DLG2: variants seen among roughly 807,000 people sequenced by gnomAD.
The protein encoded by DLG2 is discs large MAGUK scaffold protein 2, also known as disks large homolog 2.
A neutral mutation model predicts 132.5 loss-of-function variants in DLG2; 45 were observed. The observed-to-expected ratio is 0.34, with a 90% confidence interval of 0.27 to 0.44. DLG2 has a LOEUF of 0.44. DLG2 is among the 20% of genes least tolerant of loss of function. The probability of loss-of-function intolerance (pLI) is 1.00; values close to 1 mark genes in which losing one functional copy is unlikely to be tolerated. For missense variants in DLG2, 1,045 were observed against 1,196.9 expected, an observed-to-expected ratio of 0.87 and a Z score of 1.87; for synonymous variants, 424 against 419.6, an observed-to-expected ratio of 1.01 and a Z score of -0.13.
intron 6 of DLG2, among the ~76,000 whole-genome samples, chr11:84,853,733 C>T (rs1472259853): frequency 6.6e-6 from 1 of 151,956 alleles, no homozygotes; most frequent in East Asian, 1.9e-4. Flanking sequence ...TCCTTCTTCT[C>T]ACAGCAAACC....
At chr11:85,523,313 AGACTAATACT>A (rs2074464268) in intron 3 of DLG2, among the ~76,000 whole-genome samples, 1 of 152,198 alleles carries the variant, frequency 6.6e-6, no homozygotes, top group Non-Finnish European at 1.5e-5. Context: ...GTGTGGAAAC[AGACTAATACT>A]CTATCCATCT....
intron 6 of DLG2, among the ~76,000 whole-genome samples, chr11:84,592,285 A>G (rs2099545223): frequency 6.6e-6 from 1 of 152,226 alleles, no homozygotes; most frequent in African/African-American, 2.4e-5. Flanking sequence ...GATGTGGGCA[A>G]TAAGCCAGAA....
chr11:85,546,818 C>CCTTT (rs2076358677), intron 3 of DLG2, among the ~76,000 whole-genome samples: 2 of 68,972 alleles, frequency 2.9e-5, no homozygotes, highest in African/African-American at 1.2e-4. Context: ...ATAACCCCTG[C>CCTTT]TTTTTTTTTT....
chr11:83,947,128 G>T (rs1202546099), intron 14 of DLG2, among the ~76,000 whole-genome samples: 1 of 152,144 alleles, frequency 6.6e-6, no homozygotes, highest in East Asian at 1.9e-4. Flanking sequence ...CTCATATAAT[G>T]ATGGTCTACA....
intron 3 of DLG2, among the ~76,000 whole-genome samples, chr11:85,493,368 AAGCCTTACTCCTCATTTCACT>A (rs2093604650): frequency 6.6e-6 from 1 of 152,136 alleles, no homozygotes. Flanking sequence ...AGATCTTTTC[AAGCCTTACTCCTCATTTCACT>A]AAGTCTCTGC....
chr11:83,606,640 A>G (rs2153394388), intron 19 of DLG2, among the ~76,000 whole-genome samples: 1 of 152,060 alleles, frequency 6.6e-6, no homozygotes, highest in Non-Finnish European at 1.5e-5. Context: ...TGTTAAAAAA[A>G]AAAAAGGCCG....
chr11:83,693,532 G>A (rs1468226396), intron 18 of DLG2, among the ~76,000 whole-genome samples: 1 of 152,036 alleles, frequency 6.6e-6, no homozygotes. Flanking sequence ...CTTTGTGGAG[G>A]ACACCGTACC....
intron 21 of DLG2, among the ~76,000 whole-genome samples, chr11:83,515,231 C>T (rs1257294410): frequency 3.3e-5 from 5 of 152,164 alleles, no homozygotes; most frequent in Admixed American, 2.6e-4. Context: ...TTTAGAGATT[C>T]AACTTCTTCC....
intron 16 of DLG2, among the ~76,000 whole-genome samples, chr11:83,839,362 AC>A (rs1433864445): frequency 6.6e-6 from 1 of 152,206 alleles, no homozygotes; most frequent in Non-Finnish European, 1.5e-5. Flanking sequence ...TGTCCTAAGC[AC>A]ACTTCAAATG....
intron 19 of DLG2, among the ~76,000 whole-genome samples, chr11:83,549,978 A>G (rs1215016017): frequency 2.6e-5 from 4 of 152,146 alleles, no homozygotes; most frequent in Non-Finnish European, 5.9e-5. Flanking sequence ...TAGCTCCCAA[A>G]ATGTAGGCAT....
chr11:84,483,086 C>T (rs766583474), intron 7 of DLG2, among the ~76,000 whole-genome samples: 1 of 152,068 alleles, frequency 6.6e-6, no homozygotes, highest in Non-Finnish European at 1.5e-5. Context: ...AACAAATGGT[C>T]ATTATTCATT....
chr11:85,449,170 G>A (rs1274876661), intron 3 of DLG2, among the ~76,000 whole-genome samples: 1 of 150,888 alleles, frequency 6.6e-6, no homozygotes, highest in African/African-American at 2.4e-5. Context: ...TATTTTCCTT[G>A]GTTAGAATTT....
In DLG2 at chr11:84,587,936, C is replaced by T. The variant is rs371921537; in HGVS notation, c.358-53205G>A. 4.4e-4 allele frequency among the ~76,000 whole-genome samples: 67 copies of T among 152,300 alleles called. 1 individual carries two copies. The South Asian group carries it at 0.013, about 30-fold the overall frequency. ...CTCACCTGAACCATGGTGATCATAACTGGATTTGGCTTTCAATCACTCCTC... is the reference window on the plus strand; with the variant it reads ...CTCACCTGAACCATGGTGATCATAATTGGATTTGGCTTTCAATCACTCCTC... On this transcript the variant is annotated intron_variant, in intron 6 of 27. Transcript: ENST00000376104.
At chr11:83,888,637 A>G (rs1222984061) in intron 15 of DLG2, among the ~76,000 whole-genome samples, 7 of 152,116 alleles carry the variant, frequency 4.6e-5, no homozygotes, top group Non-Finnish European at 8.8e-5. Context: ...AGCCCTCATC[A>G]CCAAGTCAAT....
chr11:84,064,755 A>G (rs1051401180), intron 10 of DLG2, among the ~76,000 whole-genome samples: 1 of 152,192 alleles, frequency 6.6e-6, no homozygotes, highest in Non-Finnish European at 1.5e-5. Context: ...AAGATGCTGA[A>G]AGTGTTTTTA....
chr11:85,534,256 G>C (rs1471620302), intron 3 of DLG2, among the ~76,000 whole-genome samples: 2 of 151,946 alleles, frequency 1.3e-5, no homozygotes, highest in Non-Finnish European at 2.9e-5. Context: ...TCTACTCTCA[G>C]TATTTTAGAA....
intron 6 of DLG2, among the ~76,000 whole-genome samples, chr11:84,954,648 T>A (rs1381805076): frequency 6.6e-6 from 1 of 152,198 alleles, no homozygotes; most frequent in Non-Finnish European, 1.5e-5. Context: ...ATTGGTGTAG[T>A]CATACTCCAA....
At chr11:84,074,325 T>A (rs149697929) in intron 10 of DLG2, among the ~76,000 whole-genome samples, 1 of 152,216 alleles carries the variant, frequency 6.6e-6, no homozygotes, top group East Asian at 1.9e-4. Flanking sequence ...ATTTTTAATT[T>A]CCTTCACCCT....
At chr11:84,045,174 T>C (rs1237718460) in intron 11 of DLG2, among the ~76,000 whole-genome samples, 1 of 151,784 alleles carries the variant, frequency 6.6e-6, no homozygotes, top group Non-Finnish European at 1.5e-5. Flanking sequence ...CTTTCCATTA[T>C]TTTTATAACC....
Sources: allele counts gnomAD v4.1 joint callset (sites outside exome capture counted in the v4.1 genomes callset), GRCh38; gene constraint gnomAD v4.1.1; transcripts MANE v1.5; gene names NCBI Gene and HGNC (gene_info 2026-07-23, HGNC 2026-07-21).